Variants in AHI1 observed in about 807,000 individuals in gnomAD.
AHI1 encodes the protein Abelson helper integration site 1.
Under a neutral mutation model 149.3 loss-of-function variants are expected in AHI1, and 123 were observed. That is an observed-to-expected ratio of 0.82 (90% CI 0.71 to 0.96). The LOEUF (loss-of-function observed/expected upper bound fraction) is 0.96. AHI1 is among the 40% of genes least tolerant of loss of function. The pLI is 0.00. For synonymous variants in AHI1, 475 were observed against 459.8 expected (o/e 1.03, Z -0.42); for missense variants, 1,439 against 1,422.7 (o/e 1.01, Z -0.18).
intron 23 of AHI1, among the ~76,000 whole-genome samples, chr6:135,368,017 G>T (rs975684598): frequency 7.9e-5 from 12 of 152,146 alleles, no homozygotes; most frequent in African/African-American, 2.9e-4. Context: ...AAGGACTATT[G>T]TTCAGATTCT....
chr6:135,305,801 C>T (rs1034994781), intron 26 of AHI1, among the ~76,000 whole-genome samples: 1 of 152,222 alleles, frequency 6.6e-6, no homozygotes, highest in African/African-American at 2.4e-5. Context: ...CCTCCTCAAT[C>T]CTGTCCACTT....
intron 22 of AHI1, among the ~76,000 whole-genome samples, chr6:135,402,768 A>G (rs1350968478): frequency 6.6e-6 from 1 of 152,180 alleles, no homozygotes; most frequent in Non-Finnish European, 1.5e-5. Context: ...AATTTTCTTA[A>G]TAACATTTTC....
At chr6:135,375,727 T>C (rs1304894327) in intron 23 of AHI1, among the ~76,000 whole-genome samples, 2 of 152,154 alleles carry the variant, frequency 1.3e-5, no homozygotes, top group Non-Finnish European at 2.9e-5. Flanking sequence ...TTTGTAAAAA[T>C]ATATTTTCAA....
intron 23 of AHI1, among the ~76,000 whole-genome samples, chr6:135,375,063 T>C (rs1775699546): frequency 6.6e-6 from 1 of 152,226 alleles, no homozygotes; most frequent in East Asian, 1.9e-4. Context: ...TGGATGCTTT[T>C]CTGACATATT....
intron 28 of AHI1, among the ~76,000 whole-genome samples, chr6:135,289,624 AT>A (rs968431115): frequency 3.3e-5 from 5 of 152,006 alleles, no homozygotes; most frequent in African/African-American, 9.7e-5. Context: ...AGTTTCCATT[AT>A]TTAAGAATCT....
At chr6:135,493,047 C>T (rs183871027) in intron 3 of AHI1, 175 of 859,104 alleles carry the variant, frequency 2.0e-4, no homozygotes, top group Middle Eastern at 1.2e-3. Flanking sequence ...CTCCCTTTGT[C>T]GAGTGCAGTG....
At position 135,455,868 on chromosome 6, in the gene AHI1, T is replaced by G; in HGVS notation, c.1210A>C (p.Met404Leu). ...TGTTTAAAATCATATGGCTGGGTCATAATAGGAAGAATATAATCCACATTC... is the reference window on the plus strand; with the variant it reads ...TGTTTAAAATCATATGGCTGGGTCAGAATAGGAAGAATATAATCCACATTC... ...KENVDYILPI[M>L]TQPYDFKQLK... Residue 404 changes from methionine to leucine, a missense_variant, in exon 10 of 29, where the codon ATG (methionine) becomes CTG (leucine). Coordinates refer to ENST00000265602, the MANE Select transcript of AHI1 (RefSeq NM_001134831.2). 6.3e-7 allele frequency: 1 copy of G among 1,587,622 alleles called. No homozygotes were observed. The highest frequency in any genetic ancestry group is 8.6e-7 in the Non-Finnish European group (1 of 1,163,178).
intron 8 of AHI1, among the ~76,000 whole-genome samples, chr6:135,460,795 G>A (rs1020900531): frequency 2.0e-5 from 3 of 152,102 alleles, no homozygotes; most frequent in Non-Finnish European, 4.4e-5. Context: ...GTTATTTATG[G>A]GAAAAGTGAC....
chr6:135,307,836 C>T (rs1288494849), intron 26 of AHI1, among the ~76,000 whole-genome samples: 5 of 151,928 alleles, frequency 3.3e-5, no homozygotes, highest in South Asian at 2.1e-4. Context: ...GAAATCTGGC[C>T]GTGTCTGAAA....
chr6:135,375,050 G>A (rs1775695330), intron 23 of AHI1, among the ~76,000 whole-genome samples: 1 of 152,126 alleles, frequency 6.6e-6, no homozygotes, highest in Non-Finnish European at 1.5e-5. Flanking sequence ...TGTTTGGTAG[G>A]TTTGGATGCT....
At chr6:135,354,234 T>G (rs1318136631) in intron 24 of AHI1, among the ~76,000 whole-genome samples, 1 of 152,114 alleles carries the variant, frequency 6.6e-6, no homozygotes, top group Non-Finnish European at 1.5e-5. Flanking sequence ...GTTACAAGTT[T>G]GGAATGTAGG....
intron 6 of AHI1, 106 bp from the exon 7 acceptor site, chr6:135,466,479 TA>T: frequency 9.2e-7 from 1 of 1,084,718 alleles, no homozygotes; most frequent in Non-Finnish European, 1.3e-6. Context: ...TTGGGAGGAT[TA>T]TTTAGTTTTT....
At chr6:135,296,018 A>T (rs1212951603) in intron 27 of AHI1, among the ~76,000 whole-genome samples, 1 of 151,970 alleles carries the variant, frequency 6.6e-6, no homozygotes, top group Admixed American at 6.6e-5. Context: ...ATGTCCGGCT[A>T]ATTTTTTTGT....
At chr6:135,336,531 G>A (rs1582660251) in intron 24 of AHI1, among the ~76,000 whole-genome samples, 2 of 152,146 alleles carry the variant, frequency 1.3e-5, no homozygotes, top group Admixed American at 1.3e-4. Flanking sequence ...CCTGGAAGTC[G>A]AGGCTGCAGT....
At chr6:135,383,772 T>C (rs1051177394) in intron 23 of AHI1, among the ~76,000 whole-genome samples, 5 of 152,254 alleles carry the variant, frequency 3.3e-5, no homozygotes, top group Non-Finnish European at 5.9e-5. Context: ...TACAAAATTA[T>C]AAAATGCATT....
In AHI1 at chr6:135,463,285, G is replaced by A; in HGVS notation, c.771C>T (p.Asp257=). The part of the protein sequence containing the change: ...AETSTLTISG[D]TVEGEQKKES... ...CTTTCTTTTGTTCACCTTCAACTGT[G>A]TCACCAGAGATGGTCAATGTACTAC... The change falls in exon 8 of 29, where the codon GAC becomes GAT. Residue 257 remains aspartate (D), a synonymous_variant. Coordinates refer to ENST00000265602, the MANE Select transcript of AHI1 (RefSeq NM_001134831.2). 6.2e-7 allele frequency: 1 copy of A among 1,607,800 alleles called. No homozygotes were observed. Among genetic ancestry groups the A allele is most frequent in the Non-Finnish European group, 8.5e-7 (1 of 1,178,516 alleles).
chr6:135,323,825 T>C (rs1787243820), intron 24 of AHI1, among the ~76,000 whole-genome samples: 1 of 152,206 alleles, frequency 6.6e-6, no homozygotes, highest in African/African-American at 2.4e-5. Context: ...CACATACATA[T>C]TTTTTGATGT....
At chr6:135,462,134 C>T (rs908324076) in intron 8 of AHI1, among the ~76,000 whole-genome samples, 1 of 151,914 alleles carries the variant, frequency 6.6e-6, no homozygotes, top group Admixed American at 6.6e-5. Flanking sequence ...ACACATTATG[C>T]TTCAACAAAA....
intron 24 of AHI1, among the ~76,000 whole-genome samples, chr6:135,357,085 T>C (rs557216517): frequency 9.9e-5 from 15 of 152,282 alleles, no homozygotes; most frequent in East Asian, 9.6e-4. Context: ...ACTACAGGCA[T>C]GCACCACCAT....
Sources: allele counts gnomAD v4.1 joint callset (sites outside exome capture counted in the v4.1 genomes callset), GRCh38; gene constraint gnomAD v4.1.1; transcripts MANE v1.5; gene names NCBI Gene and HGNC (gene_info 2026-07-23, HGNC 2026-07-21).